The following TNN variants were observed in gnomAD, a reference collection of about 807,000 sequenced individuals.
TNN encodes tenascin N, also known as tenascin-N.
Under a neutral mutation model 134.4 loss-of-function variants are expected in TNN, and 122 were observed. The observed-to-expected ratio is 0.91, with a 90% CI of 0.78 to 1.06. The LOEUF (loss-of-function observed/expected upper bound fraction) is 1.06. Among genes scored for constraint, TNN ranks in the 50% least tolerant of loss-of-function variants. The pLI is 0.00. For missense variants in TNN, 1,739 were observed against 1,699.4 expected (o/e 1.02, Z -0.41); for synonymous variants, 710 against 670.3 (o/e 1.06, Z -0.91).
chr1:175,137,230 A>G (rs575015567), intron 17 of TNN, among the ~76,000 whole-genome samples: 44 of 149,698 alleles, frequency 2.9e-4, no homozygotes, highest in Middle Eastern at 6.8e-3. Context: ...CCCAATAAAA[A>G]CCCTCCCCTT....
At chr1:175,077,039 T>C (rs1558346576) in intron 1 of TNN, among the ~76,000 whole-genome samples, 1 of 152,218 alleles carries the variant, frequency 6.6e-6, no homozygotes, top group Non-Finnish European at 1.5e-5. Flanking sequence ...ATATTAGCGT[T>C]GCTGTAAAGA....
chr1:175,136,943 A>T lies in TNN; in HGVS notation c.3550A>T (p.Lys1184Ter). ...IYDFFQVASSKERYKLTVGKY... is the reference protein window; with the variant it reads ...IYDFFQVASS ...TGATTTCTTCCAAGTGGCCTCCAGCAAGGAGCGGTATAAGCTGACAGTTGG... is the reference window on the plus strand; with the variant it reads ...TGATTTCTTCCAAGTGGCCTCCAGCTAGGAGCGGTATAAGCTGACAGTTGG... The change falls in exon 17 of 19, where the codon AAG (lysine) becomes TAG (stop). Residue 1184 changes from lysine to a stop codon, truncating the protein, a stop_gained. Transcript: ENST00000239462. LOFTEE classifies it high-confidence loss of function. The T allele has an allele frequency of 6.2e-7, 1 of 1,614,208 alleles. No homozygotes were observed.
At chr1:175,118,164 A>G (rs1170236009) in intron 10 of TNN, among the ~76,000 whole-genome samples, 3 of 152,180 alleles carry the variant, frequency 2.0e-5, no homozygotes, top group Non-Finnish European at 2.9e-5. Context: ...GGAGGTCTTT[A>G]CTGACATGAT....
intron 6 of TNN, among the ~76,000 whole-genome samples, chr1:175,089,129 G>C (rs1026416317): frequency 2.6e-5 from 4 of 152,164 alleles, no homozygotes; most frequent in South Asian, 2.1e-4. Context: ...TATAGGGTCA[G>C]GAAACACTCT....
Position 175,098,490 on chromosome 1 carries a change from A to T in TNN, c.2014A>T (p.Ser672Cys). 6.2e-7 allele frequency: 1 copy of T among 1,614,208 alleles called. No individual in the cohort carries two copies. ...REVPVGKEQS[S>C]TVLTGLRPGM... Reference sequence around the variant, plus strand: ...GGTTCCGGTGGGGAAGGAGCAGAGCAGCACAGTCCTGACAGGCCTGAGACC... The same window carrying T: ...GGTTCCGGTGGGGAAGGAGCAGAGCTGCACAGTCCTGACAGGCCTGAGACC... The change falls in exon 9 of 19, where the codon AGC (serine) becomes TGC (cysteine). Residue 672 changes from serine (S) to cysteine (C), a missense_variant. Coordinates refer to ENST00000239462, the MANE Select transcript of TNN (RefSeq NM_022093.2).
At chr1:175,140,577 G>A (rs1006303985) in intron 17 of TNN, among the ~76,000 whole-genome samples, 155 of 152,276 alleles carry the variant, frequency 1.0e-3, no homozygotes, top group African/African-American at 3.4e-3. Context: ...GAGTCAACAT[G>A]TTTGGTGAAT....
intron 8 of TNN, 23 bp from the exon 9 acceptor site, chr1:175,098,309 C>G: frequency 6.2e-7 from 1 of 1,614,086 alleles, no homozygotes; most frequent in South Asian, 1.1e-5. Context: ...GAGCTTAAAC[C>G]TTTCCAAACA....
Position 175,094,251 on chromosome 1 carries a change from C to T in TNN, c.1586C>T (p.Thr529Ile). The T allele has an allele frequency of 6.3e-7, 1 of 1,586,834 alleles. No individual in the cohort carries two copies. Among genetic ancestry groups the T allele is most frequent in the Non-Finnish European group, 8.6e-7 (1 of 1,162,802 alleles). The change falls in exon 7 of 19, where the codon ACA becomes ATA. Residue 529 changes from threonine (T) to isoleucine (I), a missense_variant and splice_region_variant. Thr to Ile is a moderately conservative substitution (Grantham distance 89). Coordinates refer to ENST00000239462, the MANE Select transcript of TNN (RefSeq NM_022093.2). ...AAGAAAGCTGACACCAATGCCCTCA[C>T]AGGTAACAGAAGGACGGGAGCATAA... The part of the protein sequence containing the change: ...GSKKADTNAL[T>I]EIDSPANLVT...
At position 175,098,352 on chromosome 1, in the gene TNN, C is replaced by CTGG. The variant is rs757462928; in HGVS notation, c.1879_1881dup (p.Val627dup). ...TCCAGATATTGACAGCCCCAAAAAC[C>CTGG]TGGTGACTGACCGGGTGACAGAGAA... On this transcript the variant is annotated inframe_insertion, in exon 9 of 19. Coordinates refer to ENST00000239462, the MANE Select transcript of TNN (RefSeq NM_022093.2). 6.2e-7 allele frequency: 1 copy of CTGG among 1,614,216 alleles called. No individual in the cohort carries two copies. Among genetic ancestry groups the CTGG allele is most frequent in the South Asian group, 1.1e-5 (1 of 91,082 alleles).
In TNN at chr1:175,135,850, C is replaced by A; in HGVS notation, c.3336C>A (p.Phe1112Leu). ...METDGGGWIV[F>L]QRRNTGQLDF... is the part of the protein sequence containing the mutation. ...GTATTCATCTTCCTTCTCAGGTCTT[C>A]CAGAGGCGGAACACTGGGCAGCTGG... Residue 1112 changes from phenylalanine (F) to leucine (L), a missense_variant, in exon 16 of 19, where the codon TTC becomes TTA. Physicochemically the swap from Phe to Leu is conservative, Grantham distance 22. Transcript: ENST00000239462. 1 of 1,613,498 alleles carries A rather than the reference C, an allele frequency of 6.2e-7. No individual in the cohort carries two copies. Among genetic ancestry groups the A allele is most frequent in the Non-Finnish European group, 8.5e-7 (1 of 1,179,508 alleles).
intron 12 of TNN, among the ~76,000 whole-genome samples, chr1:175,123,932 A>G (rs1675447930): frequency 6.6e-6 from 1 of 152,204 alleles, no homozygotes; most frequent in Non-Finnish European, 1.5e-5. Context: ...CACACTTGCT[A>G]TGGAGAAAAT....
At chr1:175,146,420 C>T (rs1040550112) in intron 18 of TNN, among the ~76,000 whole-genome samples, 4 of 152,160 alleles carry the variant, frequency 2.6e-5, no homozygotes, top group African/African-American at 9.7e-5. Context: ...TTGCGCTCAC[C>T]AGTCAAAAGA....
intron 9 of TNN, among the ~76,000 whole-genome samples, chr1:175,108,745 G>T (rs1483167165): frequency 6.6e-6 from 1 of 151,778 alleles, no homozygotes; most frequent in African/African-American, 2.4e-5. Context: ...CTGGCCGGCT[G>T]CTCTGAGTGC....
chr1:175,096,616 T>G (rs757504241), intron 7 of TNN, among the ~76,000 whole-genome samples: 11 of 152,230 alleles, frequency 7.2e-5, no homozygotes, highest in Non-Finnish European at 1.3e-4. Flanking sequence ...GCTTGGATTT[T>G]TGACTCCCTA....
Position 175,117,150 on chromosome 1 carries a change from G to T in TNN, c.2331G>T (p.Val777=). 1 of 1,614,298 alleles carries T rather than the reference G, an allele frequency of 6.2e-7. No individual in the cohort carries two copies. Among genetic ancestry groups the T allele is most frequent in the South Asian group, 1.1e-5 (1 of 91,088 alleles). Residue 777 remains valine, a synonymous_variant, in exon 10 of 19, where the codon GTG becomes GTT. Transcript: ENST00000239462. ...CGGGTGTGGAGTACACGGTGCACGT[G>T]TGGGCCCAGAAGGGGGCCCAGGAGA... ...LRPGVEYTVH[V]WAQKGAQESK...
chr1:175,127,152 A>G (rs746901687), intron 13 of TNN, 67 bp downstream of exon 13: 71 of 1,565,686 alleles, frequency 4.5e-5, no homozygotes, highest in Admixed American at 7.4e-5. Flanking sequence ...ACTTGGGCCA[A>G]TCAGCTCATT....
chr1:175,102,289 G>T (rs192696896), intron 9 of TNN, among the ~76,000 whole-genome samples: 1 of 146,324 alleles, frequency 6.8e-6, no homozygotes, highest in South Asian at 2.3e-4. Context: ...CCAGTCCCGC[G>T]CCATGAACTT....
At chr1:175,129,072 A>G (rs1574173642) in intron 15 of TNN, among the ~76,000 whole-genome samples, 1 of 152,190 alleles carries the variant, frequency 6.6e-6, no homozygotes, top group South Asian at 2.1e-4. Flanking sequence ...GCGTTTCTGA[A>G]AGTAAGGAGG....
chr1:175,089,822 C>G (rs1439010839), intron 6 of TNN, among the ~76,000 whole-genome samples: 1 of 152,172 alleles, frequency 6.6e-6, no homozygotes, highest in African/African-American at 2.4e-5. Flanking sequence ...TGTGAAATAG[C>G]AGTTTTGCTT....
Sources: allele counts gnomAD v4.1 joint callset (sites outside exome capture counted in the v4.1 genomes callset), GRCh38; gene constraint gnomAD v4.1.1; transcripts MANE v1.5; gene names NCBI Gene and HGNC (gene_info 2026-07-23, HGNC 2026-07-21).